HMBOX1: variants seen among roughly 807,000 people sequenced by gnomAD.
HMBOX1 encodes the protein homeobox containing 1.
In HMBOX1, 14 loss-of-function variants were observed where a neutral mutation model predicts 54.5. The ratio of observed to expected loss-of-function variants is 0.26; its 90% CI spans 0.17 to 0.40. The LOEUF is 0.40. Among genes scored for constraint, HMBOX1 ranks in the 10% least tolerant of loss-of-function variants. HMBOX1 has a pLI of 1.00. For missense variants in HMBOX1, 332 were observed against 514.4 expected (o/e 0.65, Z 3.43); for synonymous variants, 160 against 181.0 (o/e 0.88, Z 0.93).
chr8:29,049,849 G>A (rs1354041484), intron 9 of HMBOX1, among the ~76,000 whole-genome samples: 2 of 152,106 alleles, frequency 1.3e-5, no homozygotes, highest in African/African-American at 4.8e-5. Flanking sequence ...ATTTTTCTGG[G>A]GTCTGTGCTT....
chr8:28,996,990 G>GGTGTGT (rs146925936), intron 4 of HMBOX1, among the ~76,000 whole-genome samples: 2 of 150,806 alleles, frequency 1.3e-5, no homozygotes, highest in Admixed American at 6.6e-5. Flanking sequence ...GTTCTAATGG[G>GGTGTGT]GTGTGTGTGT....
chr8:28,997,691 G>A (rs1344627299), intron 4 of HMBOX1, among the ~76,000 whole-genome samples: 1 of 152,088 alleles, frequency 6.6e-6, no homozygotes, highest in Admixed American at 6.6e-5. Flanking sequence ...GGGACTACAG[G>A]TGTGCGCCAT....
chr8:29,050,782 G>A (rs1179605559), intron 9 of HMBOX1: 1 of 507,318 alleles, frequency 2.0e-6, no homozygotes. Flanking sequence ...AATTCTCAGT[G>A]ATGAAAAACA....
chr8:28,924,026 T>C (rs565184402), intron 1 of HMBOX1, among the ~76,000 whole-genome samples: 36 of 152,186 alleles, frequency 2.4e-4, no homozygotes, highest in Non-Finnish European at 3.7e-4. Flanking sequence ...GTCTCAGATA[T>C]ACATGATTTG....
intron 7 of HMBOX1, among the ~76,000 whole-genome samples, chr8:29,045,714 T>C (rs1417244315): frequency 2.0e-5 from 3 of 152,256 alleles, no homozygotes; most frequent in Non-Finnish European, 4.4e-5. Context: ...ATTTTTTTAA[T>C]GTGTAGATTT....
At chr8:28,943,437 T>G (rs1288041230) in intron 1 of HMBOX1, among the ~76,000 whole-genome samples, 1 of 152,208 alleles carries the variant, frequency 6.6e-6, no homozygotes, top group Admixed American at 6.5e-5. Context: ...TAACAAGGTT[T>G]GTTTGTACAG....
At chr8:28,973,282 TA>T (rs1324002757) in intron 3 of HMBOX1, among the ~76,000 whole-genome samples, 27 of 152,206 alleles carry the variant, frequency 1.8e-4, no homozygotes, top group African/African-American at 6.5e-4. Flanking sequence ...ACTTCAATAT[TA>T]AGTGGCAGAG....
intron 1 of HMBOX1, among the ~76,000 whole-genome samples, chr8:28,901,966 C>T (rs1813317077): frequency 6.6e-6 from 1 of 152,102 alleles, no homozygotes; most frequent in Non-Finnish European, 1.5e-5. Context: ...GAGACATATC[C>T]CAGTGAACCT....
intron 1 of HMBOX1, among the ~76,000 whole-genome samples, chr8:28,961,920 CTTTTTTT>C (rs35117256): frequency 8.6e-6 from 1 of 116,522 alleles, no homozygotes; most frequent in African/African-American, 3.3e-5. Context: ...TTTCTTTTTT[CTTTTTTT>C]TTTTTTGAGA....
chr8:28,928,633 G>T (rs1285912966), intron 1 of HMBOX1, among the ~76,000 whole-genome samples: 3 of 152,154 alleles, frequency 2.0e-5, no homozygotes, highest in Non-Finnish European at 2.9e-5. Flanking sequence ...GATAAATAAA[G>T]AAAATGTAGA....
chr8:28,909,281 C>T (rs570251197), intron 1 of HMBOX1, among the ~76,000 whole-genome samples: 8 of 151,952 alleles, frequency 5.3e-5, no homozygotes, highest in Admixed American at 3.3e-4. Flanking sequence ...TTTGTGGTAA[C>T]GCAACATTTT....
At chr8:29,023,132 A>G (rs1252659938) in intron 6 of HMBOX1, among the ~76,000 whole-genome samples, 2 of 152,194 alleles carry the variant, frequency 1.3e-5, no homozygotes, top group Non-Finnish European at 2.9e-5. Context: ...ATAGATATAG[A>G]TGTAGGTACA....
chr8:28,911,303 A>C (rs1326321819), intron 1 of HMBOX1, among the ~76,000 whole-genome samples: 1 of 152,218 alleles, frequency 6.6e-6, no homozygotes, highest in Non-Finnish European at 1.5e-5. Flanking sequence ...CCACAGGTGC[A>C]GTCTGATTAG....
chr8:28,971,809 A>G (rs1306669502), intron 3 of HMBOX1, among the ~76,000 whole-genome samples: 1 of 152,186 alleles, frequency 6.6e-6, no homozygotes, highest in African/African-American at 2.4e-5. Flanking sequence ...TAGAGATGAT[A>G]AAGGTATTGT....
chr8:29,026,998 AT>A (rs1210051096), intron 6 of HMBOX1, among the ~76,000 whole-genome samples: 1 of 152,190 alleles, frequency 6.6e-6, no homozygotes, highest in Non-Finnish European at 1.5e-5. Flanking sequence ...TGGGTTTAAA[AT>A]TTTTATAATT....
At position 29,052,470 on chromosome 8, in the gene HMBOX1, A is replaced by T. The variant is rs1463777224; in HGVS notation, c.*1315A>T. On this transcript the variant is annotated 3_prime_UTR_variant, in exon 10 of 10. Transcript: ENST00000287701. ...ACTTTAAGCGGCAGTAACTAATGGA[A>T]TTTTTTTCCTTGATCACATATGTAG... is the stretch of plus-strand genomic sequence containing the variant. 6.6e-6 allele frequency: 1 copy of T among 152,084 alleles called. No individual in the cohort carries two copies. The highest frequency in any genetic ancestry group is 1.5e-5 in the Non-Finnish European group (1 of 68,004). 9.4% of individuals were successfully genotyped at this position (152,084 alleles called of 1,614,324 possible). A position where few individuals can be genotyped will look rare whatever the true frequency, so the allele number is the denominator to read the frequency against.
chr8:29,029,411 A>G (rs1802563333), intron 6 of HMBOX1, among the ~76,000 whole-genome samples: 1 of 152,240 alleles, frequency 6.6e-6, no homozygotes, highest in Non-Finnish European at 1.5e-5. Flanking sequence ...TTCTTTGGAC[A>G]GCAGCTTGTG....
intron 1 of HMBOX1, among the ~76,000 whole-genome samples, chr8:28,956,721 A>G (rs541118897): frequency 6.6e-6 from 1 of 152,142 alleles, no homozygotes; most frequent in African/African-American, 2.4e-5. Context: ...GTGGCTTTTG[A>G]ATGTATTTCT....
intron 6 of HMBOX1, among the ~76,000 whole-genome samples, chr8:29,033,804 T>A (rs1004285873): frequency 6.6e-6 from 1 of 152,202 alleles, no homozygotes; most frequent in African/African-American, 2.4e-5. Context: ...GTTAGGTAAA[T>A]ACTGGTGTTG....
Sources: allele counts gnomAD v4.1 joint callset (sites outside exome capture counted in the v4.1 genomes callset), GRCh38; gene constraint gnomAD v4.1.1; transcripts MANE v1.5; gene names NCBI Gene and HGNC (gene_info 2026-07-23, HGNC 2026-07-21).